The following KDR variants were observed in gnomAD, a reference collection of about 807,000 sequenced individuals.
KDR encodes vascular endothelial growth factor receptor 2.
KDR carries 43 observed loss-of-function variants against 160.9 expected under a neutral mutation model. The observed-to-expected ratio is 0.27, with a 90% CI of 0.21 to 0.34. The LOEUF is 0.34. Among genes scored for constraint, KDR ranks in the 10% least tolerant of loss-of-function variants. The pLI, the probability that KDR is intolerant of heterozygous loss-of-function variation, is 1.00. For synonymous variants in KDR, 617 were observed against 600.1 expected (o/e 1.03, Z -0.41); for missense variants, 1,469 against 1,666.4 (o/e 0.88, Z 2.06).
chr4:55,121,867 G>A (rs1420276617), intron 1 of KDR, among the ~76,000 whole-genome samples: 1 of 152,010 alleles, frequency 6.6e-6, no homozygotes, highest in Non-Finnish European at 1.5e-5. Context: ...TTACACATAT[G>A]TGCAAATTAA....
At chr4:55,108,567 G>T (rs1560520621) in intron 9 of KDR, among the ~76,000 whole-genome samples, 1 of 152,108 alleles carries the variant, frequency 6.6e-6, no homozygotes, top group African/African-American at 2.4e-5. Context: ...GGCAAAACCT[G>T]GAACAAACCT....
chr4:55,107,978 T>C, intron 9 of KDR, 85 bp from the exon 10 acceptor site: 1 of 1,469,672 alleles, frequency 6.8e-7, no homozygotes, highest in Admixed American at 1.7e-5. Context: ...AAGCTGACTT[T>C]CTTTAAGCAT....
In KDR at chr4:55,104,696, T is replaced by C. The variant is rs2110022843; in HGVS notation, c.1934A>G (p.Gln645Arg). The change falls in exon 13 of 30, where the codon CAA becomes CGA. Residue 645 changes from glutamine to arginine, a missense_variant. Gln to Arg is a conservative substitution (Grantham distance 43). Transcript: ENST00000263923. ...ATGTCTTTTCTTGGTCTTCCTGTCT[T>C]GAGCAAGGCAGACATAGTCTCCTTG... ...QDQGDYVCLAQDRKTKKRHCV... is the reference protein window; with the variant it reads ...QDQGDYVCLARDRKTKKRHCV... 1.2e-6 allele frequency: 2 copies of C among 1,613,900 alleles called. No individual in the cohort carries two copies. The highest frequency in any genetic ancestry group is 8.5e-7 in the Non-Finnish European group (1 of 1,179,858).
intron 7 of KDR, among the ~76,000 whole-genome samples, 166 bp downstream of exon 7, chr4:55,113,138 T>C (rs575099402): frequency 7.1e-4 from 108 of 152,334 alleles, no homozygotes; most frequent in African/African-American, 2.4e-3. Flanking sequence ...CCCAAGTTCC[T>C]GACTACAAAG....
chr4:55,084,689 G>A (rs990091724), intron 27 of KDR, among the ~76,000 whole-genome samples: 19 of 152,262 alleles, frequency 1.2e-4, no homozygotes, highest in African/African-American at 4.6e-4. Context: ...AAGCCCATGT[G>A]AAGTTTTTGT....
Position 55,089,421 on chromosome 4 carries a change from C to T in KDR, c.3357G>A (p.Leu1119=), listed in dbSNP as rs267600190. ...VKIDEEFCRR[L]KEGTRMRAPD... ...GGGCCCTCATTCTAGTTCCTTCTTT[C>T]AATCGCCTACAAAATTCTTCATCAA... The change falls in exon 25 of 30, where the codon TTG becomes TTA. Residue 1119 remains leucine, a synonymous_variant. Coordinates refer to ENST00000263923, the MANE Select transcript of KDR (RefSeq NM_002253.4). The T allele has an allele frequency of 6.2e-7, 1 of 1,613,232 alleles. No homozygotes were observed. Among genetic ancestry groups the T allele is most frequent in the Non-Finnish European group, 8.5e-7 (1 of 1,179,446 alleles).
chr4:55,114,820 G>T lies in KDR; in HGVS notation c.658+54C>A, dbSNP rs1178751441. 4 of 1,449,190 alleles carry T rather than the reference G, an allele frequency of 2.8e-6. No individual in the cohort carries two copies. The African/African-American group carries it at 4.2e-5, about 15-fold the overall frequency. 89.8% of individuals were successfully genotyped at this position (1,449,190 alleles called of 1,614,324 possible). ...CTTCACTCTATGTTGTTATCTCCAA[G>T]ATCTTAATACAAGGATATGTTATTA... On this transcript the variant is annotated intron_variant, in intron 5 of 29. Transcript: ENST00000263923.
In KDR at chr4:55,115,374, T is replaced by C. The variant is rs776457042; in HGVS notation, c.396A>G (p.Gln132=). The change falls in exon 4 of 30, where the codon CAA becomes CAG. Residue 132 remains glutamine, a synonymous_variant. Transcript: ENST00000263923. ...TCTCAGTAATGTACACGACTCCATG[T>C]TGGTCACTAACAGAAGCAATAAATG... The part of the protein sequence containing the change: ...RSPFIASVSD[Q]HGVVYITENK... The C allele has an allele frequency of 2.9e-5, 45 of 1,548,966 alleles. No homozygotes were observed. The Admixed American group carries it at 7.0e-4, about 24-fold the overall frequency.
chr4:55,110,300 T>C (rs1720544738), intron 9 of KDR, 103 bp downstream of exon 9: 5 of 1,207,520 alleles, frequency 4.1e-6, no homozygotes, highest in South Asian at 2.5e-5. Flanking sequence ...CCAGCCATGA[T>C]ATGAGTGAAG....
rs775579807 is a variant in KDR at position 55,095,603 on chromosome 4, T to G, written c.2791A>C (p.Lys931Gln). 1.9e-6 allele frequency: 3 copies of G among 1,613,352 alleles called. No homozygotes were observed. In the Admixed American group the frequency reaches 5.0e-5, roughly 27 times the overall value. Residue 931 changes from lysine (K) to glutamine (Q), a missense_variant, in exon 20 of 30, where the codon AAG becomes CAG. Lys to Gln is a moderately conservative substitution (Grantham distance 53). Around this residue, in one of 7 missense-constraint regions of KDR, gnomAD observed 151 missense variants for 207.2 expected, o/e 0.73. Transcript: ENST00000263923. The part of the protein sequence containing the change: ...FGNLSTYLRS[K>Q]RNEFVPYKTK... The stretch of plus-strand genomic sequence containing the variant: ...TTGTAGGGGACAAATTCATTTCTCT[T>G]GCTCCTCAGGTAAGTGGACAGGTTT...
At chr4:55,093,039 G>A (rs1355393144) in intron 21 of KDR, among the ~76,000 whole-genome samples, 1 of 152,054 alleles carries the variant, frequency 6.6e-6, no homozygotes, top group East Asian at 1.9e-4. Flanking sequence ...ACTGTTTTTT[G>A]TCATGTACCC....
chr4:55,087,787 T>C, intron 26 of KDR, 29 bp from the exon 27 acceptor site: 1 of 1,612,774 alleles, frequency 6.2e-7, no homozygotes, highest in Non-Finnish European at 8.5e-7. Context: ...AAGACTGTTG[T>C]TATGGCTTCA....
intron 6 of KDR, 143 bp downstream of exon 6, chr4:55,113,983 G>T: frequency 1.2e-6 from 1 of 807,266 alleles, no homozygotes; most frequent in Non-Finnish European, 2.2e-6. Flanking sequence ...GTGTGTGTAT[G>T]TGTGTGTGAG....
At chr4:55,106,089 C>T (rs1720439884) in intron 11 of KDR, 149 bp from the exon 12 acceptor site, 4 of 727,128 alleles carry the variant, frequency 5.5e-6, no homozygotes, top group Non-Finnish European at 1.0e-5. Flanking sequence ...TATGCAATTG[C>T]AGGTTGAGTA....
chr4:55,118,558 T>C (rs983702341), intron 3 of KDR, 46 bp downstream of exon 3: 2 of 1,464,362 alleles, frequency 1.4e-6, no homozygotes, highest in Non-Finnish European at 9.6e-7. Flanking sequence ...TTGTCTTTTA[T>C]AACTGGTAAA....
intron 15 of KDR, among the ~76,000 whole-genome samples, chr4:55,100,772 G>T (rs1398675796): frequency 6.6e-6 from 1 of 152,062 alleles, no homozygotes; most frequent in Non-Finnish European, 1.5e-5. Context: ...CCAAAATCTA[G>T]ACTTTGAGAG....
chr4:55,080,246 A>G (rs982869798), intron 29 of KDR, 83 bp from the exon 30 acceptor site: 1 of 1,221,646 alleles, frequency 8.2e-7, no homozygotes, highest in South Asian at 1.2e-5. Flanking sequence ...TCCCAACTCC[A>G]TATGGCTGCC....
intron 14 of KDR, 118 bp downstream of exon 14, chr4:55,102,244 A>G: frequency 1.5e-6 from 2 of 1,333,078 alleles, no homozygotes; most frequent in South Asian, 1.2e-5. Flanking sequence ...GAAATGAGCC[A>G]GGTCATGGAC....
intron 29 of KDR, 57 bp downstream of exon 29, chr4:55,081,899 A>G (rs1206822964): frequency 8.2e-7 from 1 of 1,220,638 alleles, no homozygotes; most frequent in Admixed American, 1.7e-5. Flanking sequence ...TGAAAGTCCT[A>G]AGTTCCTTCC....
Sources: allele counts gnomAD v4.1 joint callset (sites outside exome capture counted in the v4.1 genomes callset), GRCh38; gene constraint gnomAD v4.1.1; regional missense constraint gnomAD v4.1.1; transcripts MANE v1.5; gene names NCBI Gene and HGNC (gene_info 2026-07-23, HGNC 2026-07-21).